Variants in BIRC6 observed in about 807,000 individuals in gnomAD.
The protein encoded by BIRC6 is dual E2 ubiquitin-conjugating enzyme/E3 ubiquitin-protein ligase BIRC6.
BIRC6 carries 98 observed loss-of-function variants against 503.3 expected under a neutral mutation model. The ratio of observed to expected loss-of-function variants is 0.19; its 90% CI spans 0.17 to 0.23. The LOEUF (loss-of-function observed/expected upper bound fraction) is 0.23. BIRC6 is among the 10% of genes least tolerant of loss of function. The pLI is 1.00. For missense variants in BIRC6, 5,360 were observed against 5,806.0 expected, an observed-to-expected ratio of 0.92 and a Z score of 2.50; for synonymous variants, 2,240 against 2,078.7, an observed-to-expected ratio of 1.08 and a Z score of -2.11.
chr2:32,504,034 T>TTGTGTG (rs556051105), intron 49 of BIRC6, among the ~76,000 whole-genome samples: 5,723 of 78,192 alleles, frequency 0.073, 289 homozygotes, highest in Non-Finnish European at 0.077. Flanking sequence ...GGGGGGGTGT[T>TTGTGTG]TGTGTGTGTG....
chr2:32,431,538 T>C (rs1055930349), intron 12 of BIRC6, among the ~76,000 whole-genome samples: 1 of 152,126 alleles, frequency 6.6e-6, no homozygotes, highest in Non-Finnish European at 1.5e-5. Context: ...AGTAATATAC[T>C]TAGGAATTCT....
rs1295871607 is a variant in BIRC6, at chr2:32,445,474, G to T, written c.4337-47G>T. 4 of 1,445,798 alleles carry T rather than the reference G, an allele frequency of 2.8e-6. No individual in the cohort carries two copies. In the African/African-American group the frequency reaches 4.3e-5, roughly 16 times the overall value. The allele number at this position is 1,445,798 out of a possible 1,614,324, so 89.6% of individuals were successfully genotyped here. ...GTAATCTTAAATTCTCATTGTTAGA[G>T]GAAAAGGAGGAAAAAGAAACATTTA... On this transcript the variant is annotated intron_variant, in intron 20 of 73. Coordinates refer to ENST00000421745, the MANE Select transcript of BIRC6 (RefSeq NM_016252.4).
rs751513981 is a variant in BIRC6, at chr2:32,415,998, C to G, written c.2707C>G (p.Leu903Val). The G allele has an allele frequency of 1.2e-6, 2 of 1,613,892 alleles. No homozygotes were observed. The highest frequency in any genetic ancestry group is 1.7e-6 in the Non-Finnish European group (2 of 1,179,870). ...GTCTGACATTTCTACTCTTGGACACCTGGTAATAACCACTCAGGGAGGATA... is the reference window on the plus strand; with the variant it reads ...GTCTGACATTTCTACTCTTGGACACGTGGTAATAACCACTCAGGGAGGATA... ...KTSDISTLGH[L>V]VITTQGGYVK... Residue 903 changes from leucine (L) to valine (V), a missense_variant, in exon 10 of 74, where the codon CTG becomes GTG. Leu to Val is a conservative substitution (Grantham distance 32, BLOSUM62 1). Around this residue, in one of 16 missense-constraint regions of BIRC6, gnomAD observed 700 missense variants for 739.3 expected, o/e 0.95. Coordinates refer to ENST00000421745, the MANE Select transcript of BIRC6 (RefSeq NM_016252.4).
chr2:32,423,592 TTA>T (rs1426403623), intron 10 of BIRC6, among the ~76,000 whole-genome samples: 3 of 152,210 alleles, frequency 2.0e-5, no homozygotes, highest in Non-Finnish European at 4.4e-5. Flanking sequence ...AGCATATTTT[TTA>T]TGTTTTTAAT....
chr2:32,592,687 C>T (rs1203938273), intron 66 of BIRC6, among the ~76,000 whole-genome samples: 1 of 152,064 alleles, frequency 6.6e-6, no homozygotes, highest in Non-Finnish European at 1.5e-5. Flanking sequence ...CCTCCGCCTC[C>T]CAGGTTCAAG....
chr2:32,375,755 T>C (rs2036670914), intron 1 of BIRC6, among the ~76,000 whole-genome samples: 1 of 151,956 alleles, frequency 6.6e-6, no homozygotes, highest in African/African-American at 2.4e-5. Context: ...TTTTTTTTTT[T>C]TTTGCAATTC....
chr2:32,449,159 TTTTG>T, intron 22 of BIRC6: 1 of 370,232 alleles, frequency 2.7e-6, no homozygotes, highest in Non-Finnish European at 4.7e-6. Flanking sequence ...GACTTTAATT[TTTTG>T]TTTTTGTTAT....
At chr2:32,393,509 CTTTA>C (rs1265375926) in intron 5 of BIRC6, among the ~76,000 whole-genome samples, 2 of 152,128 alleles carry the variant, frequency 1.3e-5, no homozygotes, top group African/African-American at 2.4e-5. Context: ...GGTTATTTAA[CTTTA>C]TTTATTTATT....
At chr2:32,558,128 G>A (rs1296829681) in intron 65 of BIRC6, among the ~76,000 whole-genome samples, 1 of 152,158 alleles carries the variant, frequency 6.6e-6, no homozygotes, top group Non-Finnish European at 1.5e-5. Flanking sequence ...GTTGGAAAAT[G>A]ATAGTAAATG....
intron 19 of BIRC6, among the ~76,000 whole-genome samples, chr2:32,443,156 T>C (rs981340252): frequency 6.6e-6 from 1 of 152,228 alleles, no homozygotes; most frequent in Non-Finnish European, 1.5e-5. Context: ...CACTTGACCA[T>C]GTGTAACTGA....
chr2:32,575,984 T>A (rs1316259526), intron 66 of BIRC6, among the ~76,000 whole-genome samples: 1 of 152,226 alleles, frequency 6.6e-6, no homozygotes, highest in African/African-American at 2.4e-5. Flanking sequence ...TCTCACATAA[T>A]GTTGATGTCA....
chr2:32,480,290 A>G (rs1472761861), intron 37 of BIRC6, among the ~76,000 whole-genome samples: 1 of 152,166 alleles, frequency 6.6e-6, no homozygotes, highest in Non-Finnish European at 1.5e-5. Context: ...GGACTTTGCC[A>G]TCTGTACTTC....
At chr2:32,447,670 C>A (rs568385948) in intron 21 of BIRC6, among the ~76,000 whole-genome samples, 3 of 119,650 alleles carry the variant, frequency 2.5e-5, no homozygotes, top group Non-Finnish European at 3.6e-5. Flanking sequence ...CCCCCTCCCC[C>A]CTCCCGGACT....
chr2:32,541,644 T>A (rs1011082434), intron 61 of BIRC6, among the ~76,000 whole-genome samples: 4 of 152,086 alleles, frequency 2.6e-5, no homozygotes, highest in Non-Finnish European at 5.9e-5. Context: ...TAATTATATG[T>A]TTGAGTGTGG....
intron 9 of BIRC6, among the ~76,000 whole-genome samples, chr2:32,406,956 C>A (rs776291933): frequency 1.3e-5 from 2 of 152,132 alleles, no homozygotes; most frequent in African/African-American, 2.4e-5. Context: ...CAAGTAAATG[C>A]TGCCTTACTA....
intron 57 of BIRC6, among the ~76,000 whole-genome samples, chr2:32,519,817 C>T (rs143091420): frequency 1.7e-3 from 260 of 152,244 alleles, no homozygotes; most frequent in Non-Finnish European, 2.4e-3. Context: ...CGCGCCTGGC[C>T]CATATCAACT....
chr2:32,414,738 C>T, intron 9 of BIRC6, 31 bp from the exon 10 acceptor site: 1 of 1,545,464 alleles, frequency 6.5e-7, no homozygotes, highest in Non-Finnish European at 8.8e-7. Context: ...TGAGTAGAAA[C>T]ATATCTAATG....
At chr2:32,456,237 G>A (rs547409967) in intron 23 of BIRC6, among the ~76,000 whole-genome samples, 1 of 152,260 alleles carries the variant, frequency 6.6e-6, no homozygotes, top group African/African-American at 2.4e-5. Context: ...TTGAACAGTG[G>A]TTGAGTAAGG....
At chr2:32,375,546 C>T (rs2036622480) in intron 1 of BIRC6, among the ~76,000 whole-genome samples, 1 of 151,952 alleles carries the variant, frequency 6.6e-6, no homozygotes, top group Admixed American at 6.6e-5. Context: ...CTCGGCCTCC[C>T]AAAGTGCTGA....
Sources: allele counts gnomAD v4.1 joint callset (sites outside exome capture counted in the v4.1 genomes callset), GRCh38; gene constraint gnomAD v4.1.1; regional missense constraint gnomAD v4.1.1; transcripts MANE v1.5; gene names NCBI Gene and HGNC (gene_info 2026-07-23, HGNC 2026-07-21).